The following SSUH2 variants were observed in gnomAD, a reference collection of about 807,000 sequenced individuals.
SSUH2 encodes the protein protein SSUH2 homolog.
In SSUH2, 47 loss-of-function variants were observed where a neutral mutation model predicts 55.3. The ratio of observed to expected loss-of-function variants is 0.85; its 90% CI spans 0.67 to 1.08. The LOEUF is 1.08. Ranked by LOEUF, SSUH2 falls within the 50% of genes least tolerant of loss-of-function variation. The probability of loss-of-function intolerance (pLI) is 0.00; values close to 1 mark genes in which losing one functional copy is unlikely to be tolerated. For synonymous variants in SSUH2, 212 were observed against 191.5 expected (o/e 1.11, Z -0.89); for missense variants, 535 against 490.7 (o/e 1.09, Z -0.85).
chr3:8,671,731 A>C (rs1027069396), intron 4 of SSUH2, among the ~76,000 whole-genome samples: 51 of 152,142 alleles, frequency 3.4e-4, no homozygotes, highest in African/African-American at 1.2e-3. Context: ...ATGGAAAATA[A>C]TGTCCCAGGG....
rs571491616 is a variant in SSUH2, at chr3:8,679,289, G to A, written c.-901+416C>T. 1.1e-4 allele frequency among the ~76,000 whole-genome samples: 12 copies of A among 106,804 alleles called. 4 individuals are homozygous for A. The highest frequency in any genetic ancestry group is 2.5e-4 in the Non-Finnish European group (12 of 47,834). 70.1% of individuals were successfully genotyped at this position (106,804 alleles called of 152,430 possible). On this transcript the variant is annotated intron_variant, in intron 2 of 18. Transcript: ENST00000317371. ...CTTTTAGGACCCCCATCGGAGGGGG[G>A]GAGCCACCCCCCATGAGGCGGGGAC...
chr3:8,661,330 C>T (rs1356360403), intron 6 of SSUH2, among the ~76,000 whole-genome samples: 2 of 152,336 alleles, frequency 1.3e-5, no homozygotes, highest in East Asian at 1.9e-4. Context: ...TCCTTAACTG[C>T]TCTGAAAGTA....
At chr3:8,645,400 G>A (rs1244188100), upstream of SSUH2, among the ~76,000 whole-genome samples, 1 of 152,184 alleles carries the variant, frequency 6.6e-6, no homozygotes, top group African/African-American at 2.4e-5. Context: ...CGCCACACCA[G>A]CCTCGCCCAC....
chr3:8,643,184 T>TAGGC (rs1349458863), intron 1 of SSUH2, among the ~76,000 whole-genome samples: 2 of 152,178 alleles, frequency 1.3e-5, no homozygotes, highest in Non-Finnish European at 2.9e-5. Flanking sequence ...GGTGATGTAT[T>TAGGC]AGGCACTTTG....
At chr3:8,680,323 T>C (rs533488604) in intron 1 of SSUH2, among the ~76,000 whole-genome samples, 17 of 149,602 alleles carry the variant, frequency 1.1e-4, no homozygotes, top group Middle Eastern at 3.4e-3. Context: ...CCCTCTTCCC[T>C]CTCTGGCTCT....
At chr3:8,669,280 T>C (rs552075357) in intron 5 of SSUH2, among the ~76,000 whole-genome samples, 79 of 152,228 alleles carry the variant, frequency 5.2e-4, no homozygotes, top group African/African-American at 1.9e-3. Context: ...ACAAAATAAG[T>C]AACAAAAACA....
At chr3:8,639,707 A>G (rs548647856) in intron 1 of SSUH2, among the ~76,000 whole-genome samples, 4 of 152,344 alleles carry the variant, frequency 2.6e-5, no homozygotes, top group South Asian at 4.1e-4. Flanking sequence ...GAGAAAGGAA[A>G]TCAATGTCCT....
At chr3:8,629,311 T>G in intron 7 of SSUH2, 2 of 271,760 alleles carry the variant, frequency 7.4e-6, no homozygotes, top group Non-Finnish European at 6.9e-6. Context: ...GAGTTGCTTG[T>G]TGGTTTCCCT....
intron 2 of SSUH2, among the ~76,000 whole-genome samples, chr3:8,678,506 C>CGG: frequency 7.3e-6 from 1 of 137,310 alleles, no homozygotes; most frequent in Non-Finnish European, 1.7e-5. Context: ...AGGCACCCCC[C>CGG]GCGAGGCGGG....
rs572862060 is a variant in SSUH2 at position 8,634,154 on chromosome 3, G to A, written c.210-359C>T. On this transcript the variant is annotated intron_variant, in intron 3 of 11. Coordinates refer to ENST00000544814, the MANE Select transcript of SSUH2 (RefSeq NM_001256748.3). ...AGAGGATGTCGCACAGTTAAAAGGA[G>A]GCAGAGACAGGCTAAATAAGGCTCC... 3.6e-5 allele frequency: 23 copies of A among 643,946 alleles called. No individual in the cohort carries two copies. In the African/African-American group the frequency reaches 4.2e-4, roughly 12 times the overall value. The allele number at this position is 643,946 out of a possible 1,614,324, so 39.9% of individuals were successfully genotyped here. A position where few individuals can be genotyped will look rare whatever the true frequency, so the allele number is the denominator to read the frequency against.
intron 3 of SSUH2, chr3:8,634,060 T>C: frequency 9.4e-7 from 1 of 1,061,432 alleles, no homozygotes; most frequent in South Asian, 1.6e-5. Flanking sequence ...GATAGAATCC[T>C]GCAACTGAAG....
chr3:8,640,947 T>C (rs760728295), intron 1 of SSUH2, among the ~76,000 whole-genome samples: 1 of 152,260 alleles, frequency 6.6e-6, no homozygotes, highest in Non-Finnish European at 1.5e-5. Flanking sequence ...TCTTAGAAAG[T>C]GCTGTCATGC....
At chr3:8,640,592 G>A (rs1200383724) in intron 1 of SSUH2, among the ~76,000 whole-genome samples, 2 of 152,124 alleles carry the variant, frequency 1.3e-5, no homozygotes, top group African/African-American at 4.8e-5. Context: ...AACTGTGGAA[G>A]ACGGCAACAG....
chr3:8,681,423 C>A (rs1482753685), intron 1 of SSUH2, among the ~76,000 whole-genome samples: 2 of 104,850 alleles, frequency 1.9e-5, no homozygotes, highest in East Asian at 3.3e-4. Flanking sequence ...CCGGCGAGCC[C>A]GGGACTGAGA....
chr3:8,675,243 G>A (rs562862957), intron 3 of SSUH2, among the ~76,000 whole-genome samples: 2 of 152,334 alleles, frequency 1.3e-5, no homozygotes, highest in East Asian at 3.9e-4. Flanking sequence ...CTGAGAGGCA[G>A]AAGCTGTTTG....
intron 3 of SSUH2, among the ~76,000 whole-genome samples, chr3:8,675,249 G>C (rs1705104286): frequency 1.3e-5 from 2 of 152,226 alleles, no homozygotes; most frequent in South Asian, 2.1e-4. Context: ...GGCAGAAGCT[G>C]TTTGCCTTTC....
rs139404737 is a variant in SSUH2 at position 8,638,488 on chromosome 3, T to C, written c.29-2631A>G. Among the ~76,000 whole-genome samples, 1,003 of 152,314 alleles carry C rather than the reference T, an allele frequency of 6.6e-3. 4 individuals carry two copies. Among genetic ancestry groups the C allele is most frequent in the South Asian group, 0.014 (66 of 4,826 alleles). On this transcript the variant is annotated intron_variant, in intron 1 of 11. Transcript: ENST00000544814. ...TTTGTGAGCCAATGGTCCTGCCACATTTTGACCGGAGTCAGAAACCCAAAG... is the reference window on the plus strand; with the variant it reads ...TTTGTGAGCCAATGGTCCTGCCACACTTTGACCGGAGTCAGAAACCCAAAG...
At chr3:8,623,714 G>T in intron 10 of SSUH2, 58 bp from the exon 11 acceptor site, 1 of 915,640 alleles carries the variant, frequency 1.1e-6, no homozygotes, top group Non-Finnish European at 1.7e-6. Context: ...AGCCTTGGAA[G>T]TCACTGGGGC....
chr3:8,671,849 G>A (rs1264917527), intron 4 of SSUH2: 2 of 144,776 alleles, frequency 1.4e-5, no homozygotes, highest in African/African-American at 2.8e-5. Context: ...AGGGGGGCGG[G>A]CGCCTCCCGC....
Sources: gnomAD v4.1 joint callset for allele counts (sites outside exome capture counted in the v4.1 genomes callset) on GRCh38, gnomAD v4.1.1 for gene constraint, MANE v1.5 for transcripts, NCBI Gene and HGNC (gene_info 2026-07-23, HGNC 2026-07-21) for gene names.